The following SOX5 variants were observed in gnomAD, a reference collection of about 807,000 sequenced individuals.
SOX5 encodes the protein transcription factor SOX-5.
Under a neutral mutation model 92.0 loss-of-function variants are expected in SOX5, and 9 were observed. That is an observed-to-expected ratio of 0.10 (90% CI 0.06 to 0.17). The LOEUF (loss-of-function observed/expected upper bound fraction) is 0.17, where lower values mean the gene tolerates loss of function less well. Ranked by LOEUF, SOX5 falls within the 10% of genes least tolerant of loss-of-function variation. The probability of loss-of-function intolerance (pLI) is 1.00; values close to 1 mark genes in which losing one functional copy is unlikely to be tolerated. For synonymous variants in SOX5, 344 were observed against 336.3 expected, an observed-to-expected ratio of 1.02 and a Z score of -0.25; for missense variants, 642 against 944.5, an observed-to-expected ratio of 0.68 and a Z score of 4.20.
intron 3 of SOX5, among the ~76,000 whole-genome samples, chr12:23,809,745 G>A (rs1316373415): frequency 1.4e-5 from 2 of 141,694 alleles, no homozygotes; most frequent in Non-Finnish European, 3.0e-5. Context: ...GGTTACATCA[G>A]TGACAAATGA....
At chr12:23,781,215 T>G (rs2095272105) in intron 3 of SOX5, among the ~76,000 whole-genome samples, 1 of 152,000 alleles carries the variant, frequency 6.6e-6, no homozygotes, top group South Asian at 2.1e-4. Context: ...CTGTACTTCC[T>G]TTCTTTCATG....
chr12:24,338,002 T>C (rs1394939180), intron 2 of SOX5, among the ~76,000 whole-genome samples: 1 of 152,284 alleles, frequency 6.6e-6, no homozygotes, highest in East Asian at 1.9e-4. Flanking sequence ...CTTTTAAATA[T>C]AAAATTTAAA....
At chr12:23,841,528 A>G (rs1002287856) in intron 3 of SOX5, among the ~76,000 whole-genome samples, 3 of 152,134 alleles carry the variant, frequency 2.0e-5, no homozygotes, top group Non-Finnish European at 4.4e-5. Context: ...ATAATAACCA[A>G]AAGCTGGAAG....
chr12:24,485,153 A>G (rs1946391743), intron 1 of SOX5, among the ~76,000 whole-genome samples: 1 of 152,210 alleles, frequency 6.6e-6, no homozygotes, highest in Non-Finnish European at 1.5e-5. Flanking sequence ...TCAACAGAAC[A>G]CTAAGAATAT....
chr12:24,105,148 C>T (rs968130991), intron 4 of SOX5, among the ~76,000 whole-genome samples: 2 of 152,108 alleles, frequency 1.3e-5, no homozygotes, highest in Non-Finnish European at 2.9e-5. Flanking sequence ...TCTGCTATAC[C>T]AAAGGTAAAC....
rs1277029278 is a variant in SOX5 at position 23,536,581 on chromosome 12, G to A, written c.1860C>T (p.Tyr620=). The A allele has an allele frequency of 6.2e-7, 1 of 1,613,980 alleles. No individual in the cohort carries two copies. The highest frequency in any genetic ancestry group is 1.3e-5 in the African/African-American group (1 of 74,916). ...GCCTGGGCTTGTACTTATAGTCAGGGTACTTCTCCAGGTGCTGCTTGCTGA... is the reference window on the plus strand; with the variant it reads ...GCCTGGGCTTGTACTTATAGTCAGGATACTTCTCCAGGTGCTGCTTGCTGA... The part of the protein sequence containing the change: ...ARLSKQHLEK[Y]PDYKYKPRPK... The change falls in exon 14 of 15, where the codon TAC becomes TAT. Residue 620 remains tyrosine, a synonymous_variant. Transcript: ENST00000451604.
At chr12:24,314,639 T>C (rs1259503382) in intron 2 of SOX5, among the ~76,000 whole-genome samples, 1 of 152,112 alleles carries the variant, frequency 6.6e-6, no homozygotes, top group Admixed American at 6.5e-5. Context: ...AAGGAAAAAG[T>C]CCTTACAATG....
rs991885007 is a variant in SOX5 at position 23,796,883 on chromosome 12, AT to A, written c.482-41160del. ...TATATTTATAAATTTATATATAAAT[AT>A]ATATAAATATTTATATATATATTTA... On this transcript the variant is annotated intron_variant, in intron 3 of 14. Coordinates refer to ENST00000451604, the MANE Select transcript of SOX5 (RefSeq NM_006940.6). Among the ~76,000 whole-genome samples the A allele has an allele frequency of 3.6e-5, 5 of 137,964 alleles. No homozygotes were observed. The Admixed American group carries it at 3.7e-4, about 10-fold the overall frequency. The allele number at this position is 137,964 out of a possible 152,430, so 90.5% of individuals were successfully genotyped here.
intron 2 of SOX5, among the ~76,000 whole-genome samples, chr12:24,329,594 A>G (rs1475686705): frequency 6.6e-6 from 1 of 152,190 alleles, no homozygotes; most frequent in Non-Finnish European, 1.5e-5. Context: ...TTATGGTTCT[A>G]TATTGGTTCT....
At chr12:23,761,817 T>C (rs1169904416) in intron 3 of SOX5, among the ~76,000 whole-genome samples, 2 of 152,128 alleles carry the variant, frequency 1.3e-5, no homozygotes, top group Non-Finnish European at 2.9e-5. Flanking sequence ...CGATAATCTG[T>C]TTAAATTAGG....
intron 4 of SOX5, among the ~76,000 whole-genome samples, chr12:24,142,971 C>A (rs1950733534): frequency 6.6e-6 from 1 of 151,884 alleles, no homozygotes; most frequent in South Asian, 2.1e-4. Context: ...GGGAAAAGAG[C>A]CACTCAAGAG....
intron 1 of SOX5, among the ~76,000 whole-genome samples, chr12:24,372,172 A>G (rs1219960401): frequency 6.6e-6 from 1 of 152,168 alleles, no homozygotes; most frequent in African/African-American, 2.4e-5. Context: ...TCTGGGGTAC[A>G]TGTGCAGAAC....
At chr12:23,988,100 G>A (rs1950220163) in intron 4 of SOX5, among the ~76,000 whole-genome samples, 1 of 152,140 alleles carries the variant, frequency 6.6e-6, no homozygotes, top group Non-Finnish European at 1.5e-5. Flanking sequence ...AAGAATAAAA[G>A]ATAAATCAAT....
At chr12:23,632,410 C>T (rs2078661872) in intron 8 of SOX5, among the ~76,000 whole-genome samples, 1 of 152,114 alleles carries the variant, frequency 6.6e-6, no homozygotes, top group South Asian at 2.1e-4. Flanking sequence ...AAGATGAACA[C>T]TTAACAAGTA....
At position 24,459,839 on chromosome 12, in the gene SOX5, T is replaced by TA. The variant is rs554598085; in HGVS notation, c.-250-91201dup. ...GTAGAGAGTGGCCAGCTGCTGAGTT[T>TA]AAAAAAATATATTTCAGGGAAACAT... On this transcript the variant is annotated intron_variant, in intron 1 of 4. Coordinates refer to the SOX5 transcript ENST00000446891. Among the ~76,000 whole-genome samples the TA allele has an allele frequency of 1.8e-4, 28 of 152,268 alleles. No individual in the cohort carries two copies. In the East Asian group the frequency reaches 3.5e-3, roughly 19 times the overall value.
chr12:24,381,670 T>C (rs933686298), intron 1 of SOX5, among the ~76,000 whole-genome samples: 1 of 152,182 alleles, frequency 6.6e-6, no homozygotes, highest in Non-Finnish European at 1.5e-5. Flanking sequence ...GCCTTACTCG[T>C]GAAATTGGAG....
intron 4 of SOX5, among the ~76,000 whole-genome samples, chr12:24,093,079 G>C (rs116094655): frequency 1.3e-5 from 2 of 151,934 alleles, no homozygotes; most frequent in Non-Finnish European, 2.9e-5. Context: ...AATAAAAGGG[G>C]GGCTATTTCC....
chr12:24,496,550 T>C (rs1283848746), intron 1 of SOX5, among the ~76,000 whole-genome samples: 1 of 152,184 alleles, frequency 6.6e-6, no homozygotes, highest in East Asian at 1.9e-4. Flanking sequence ...TATGTAATGT[T>C]ACTGGGAGTA....
chr12:23,595,484 G>A (rs527472380), intron 9 of SOX5, among the ~76,000 whole-genome samples: 9 of 151,954 alleles, frequency 5.9e-5, no homozygotes, highest in Admixed American at 2.0e-4. Flanking sequence ...TCAGCTGGGC[G>A]TGGTGGCACC....
Sources: gnomAD v4.1 joint callset for allele counts (sites outside exome capture counted in the v4.1 genomes callset) on GRCh38, gnomAD v4.1.1 for gene constraint, MANE v1.5 for transcripts, NCBI Gene and HGNC (gene_info 2026-07-23, HGNC 2026-07-21) for gene names.